DCDC1: variants seen among roughly 807,000 people sequenced by gnomAD.
DCDC1 encodes doublecortin domain containing 1.
Under a neutral mutation model 178.3 loss-of-function variants are expected in DCDC1, and 200 were observed. That is an observed-to-expected ratio of 1.12 (90% CI 1.00 to 1.26). The LOEUF (loss-of-function observed/expected upper bound fraction) is 1.26. Among genes scored for constraint, DCDC1 ranks in the 50% most tolerant of loss-of-function variants. The probability of loss-of-function intolerance (pLI) is 0.00; values close to 1 mark genes in which losing one functional copy is unlikely to be tolerated. For synonymous variants in DCDC1, 690 were observed against 604.8 expected, an observed-to-expected ratio of 1.14 and a Z score of -2.07; for missense variants, 1,983 against 1,749.2, an observed-to-expected ratio of 1.13 and a Z score of -2.38.
intron 6 of DCDC1, among the ~76,000 whole-genome samples, chr11:31,300,798 A>G (rs757106970): frequency 5.4e-4 from 82 of 152,310 alleles, no homozygotes; most frequent in Middle Eastern, 6.8e-3. Context: ...TTGTAAATGC[A>G]TTCAAGTTAA....
At chr11:31,038,148 A>G (rs1954202507) in intron 20 of DCDC1, among the ~76,000 whole-genome samples, 1 of 151,988 alleles carries the variant, frequency 6.6e-6, no homozygotes, top group Admixed American at 6.6e-5. Flanking sequence ...CAACACCAAC[A>G]TGGCACATGC....
intron 37 of DCDC1, among the ~76,000 whole-genome samples, chr11:30,880,442 A>G (rs61880662): frequency 0.099 from 15,021 of 152,260 alleles, 1,026 homozygotes; most frequent in Non-Finnish European, 0.14. Context: ...TACATTACAT[A>G]CAACATAGTA....
intron 21 of DCDC1, among the ~76,000 whole-genome samples, chr11:30,933,469 T>TA (rs1266772002): frequency 3.9e-5 from 6 of 152,310 alleles, no homozygotes; most frequent in African/African-American, 1.4e-4. Context: ...CATTAATTTT[T>TA]AAAAATTTAA....
intron 11 of DCDC1, among the ~76,000 whole-genome samples, chr11:31,114,697 C>T (rs1166625707): frequency 6.6e-6 from 1 of 151,992 alleles, no homozygotes; most frequent in Non-Finnish European, 1.5e-5. Context: ...CAGAGTGATG[C>T]AGAGAGAAAG....
chr11:31,035,864 A>T (rs1953993291), intron 20 of DCDC1, among the ~76,000 whole-genome samples: 1 of 152,182 alleles, frequency 6.6e-6, no homozygotes, highest in South Asian at 2.1e-4. Flanking sequence ...TGTAAGAAAG[A>T]GTTGTTCCTT....
intron 38 of DCDC1, among the ~76,000 whole-genome samples, chr11:30,874,430 CT>C (rs1941928552): frequency 6.6e-6 from 1 of 151,844 alleles, no homozygotes. Flanking sequence ...ACAGTTTTTT[CT>C]TTTTAAATGA....
At chr11:30,984,095 T>A (rs532061832) in intron 20 of DCDC1, among the ~76,000 whole-genome samples, 1 of 152,308 alleles carries the variant, frequency 6.6e-6, no homozygotes, top group East Asian at 1.9e-4. Context: ...GCAAAATTAC[T>A]GTGCATCATA....
At chr11:31,007,310 C>T (rs1294523969) in intron 20 of DCDC1, among the ~76,000 whole-genome samples, 1 of 152,116 alleles carries the variant, frequency 6.6e-6, no homozygotes, top group Non-Finnish European at 1.5e-5. Flanking sequence ...ACATCTAGAA[C>T]CCAACAACAA....
chr11:31,101,345 C>T (rs1392781259), intron 15 of DCDC1, among the ~76,000 whole-genome samples: 1 of 142,106 alleles, frequency 7.0e-6, no homozygotes, highest in Non-Finnish European at 1.5e-5. Context: ...TTTAAAACGC[C>T]TTTCATAATT....
chr11:31,297,635 A>G (rs990650546), intron 6 of DCDC1, among the ~76,000 whole-genome samples: 1 of 152,068 alleles, frequency 6.6e-6, no homozygotes, highest in Non-Finnish European at 1.5e-5. Context: ...ATGAGCCACC[A>G]TGCCCGGCCC....
chr11:31,127,357 A>G, intron 11 of DCDC1, 112 bp downstream of exon 11: 1 of 532,778 alleles, frequency 1.9e-6, no homozygotes, highest in South Asian at 2.8e-5. Context: ...AGTTTGAGGA[A>G]GACAACATTA....
intron 8 of DCDC1, among the ~76,000 whole-genome samples, chr11:31,256,424 A>G (rs953544093): frequency 2.0e-5 from 3 of 152,306 alleles, no homozygotes; most frequent in Non-Finnish European, 4.4e-5. Context: ...TTCAGGTTAA[A>G]TAATTTCTAG....
At chr11:31,023,616 A>G (rs1460565705) in intron 20 of DCDC1, among the ~76,000 whole-genome samples, 2 of 152,052 alleles carry the variant, frequency 1.3e-5, no homozygotes, top group Non-Finnish European at 2.9e-5. Context: ...ATAATATACA[A>G]ATGACTCATA....
At chr11:31,005,981 T>C (rs1951825430) in intron 20 of DCDC1, among the ~76,000 whole-genome samples, 2 of 149,554 alleles carry the variant, frequency 1.3e-5, no homozygotes, top group South Asian at 2.1e-4. Flanking sequence ...AAAAAAAACT[T>C]TTGGTCCTAT....
chr11:31,034,712 T>C (rs369647870), intron 20 of DCDC1, among the ~76,000 whole-genome samples: 1 of 152,212 alleles, frequency 6.6e-6, no homozygotes, highest in East Asian at 1.9e-4. Flanking sequence ...CTACAATGTT[T>C]GCACAATGTC....
intron 10 of DCDC1, among the ~76,000 whole-genome samples, chr11:31,128,598 T>C (rs1961982418): frequency 6.6e-6 from 1 of 152,102 alleles, no homozygotes. Flanking sequence ...ATTAGACCCA[T>C]TTAGAATTAT....
At position 31,126,436 on chromosome 11, in the gene DCDC1, C is replaced by T. The variant is rs1961628915; in HGVS notation, c.1485+1033G>A. Among the ~76,000 whole-genome samples the T allele has an allele frequency of 1.3e-5, 2 of 152,110 alleles. 1 individual carries two copies. Among genetic ancestry groups the T allele is most frequent in the South Asian group, 4.1e-4 (2 of 4,820 alleles). ...TCATGTTTAACATGAAATTACATTT[C>T]CCAAAAAGTCCATTTTTACATTGTA... On this transcript the variant is annotated intron_variant, in intron 11 of 38. Transcript: ENST00000684477.
rs1398120265 is a variant in DCDC1, at chr11:31,290,652, TC to T, written c.954del (p.Met318IlefsTer5). ...GHEITVGKETMKKVLDTCTIR... is the reference protein window; with the variant it reads ...GHEITVGKETXKKVLDTCTIR... ...AATATTTAATTAAAAATTACCTTTT[TC>T]ATTGTTTCTTTTCCCACTGTAATCT... On this transcript the variant is annotated frameshift_variant, in exon 7 of 39. Coordinates refer to ENST00000684477, the MANE Select transcript of DCDC1 (RefSeq NM_001387274.1). LOFTEE classifies it high-confidence loss of function. 1 of 1,599,142 alleles carries T rather than the reference TC, an allele frequency of 6.3e-7. No individual in the cohort carries two copies. The highest frequency in any genetic ancestry group is 8.5e-7 in the Non-Finnish European group (1 of 1,176,144).
At chr11:31,360,407 C>G (rs531132801) in intron 1 of DCDC1, among the ~76,000 whole-genome samples, 1 of 152,162 alleles carries the variant, frequency 6.6e-6, no homozygotes, top group Admixed American at 6.5e-5. Context: ...CAAGAACCCC[C>G]AGTGGATGCC....
Sources: gnomAD v4.1 joint callset for allele counts (sites outside exome capture counted in the v4.1 genomes callset) on GRCh38, gnomAD v4.1.1 for gene constraint, MANE v1.5 for transcripts, NCBI Gene and HGNC (gene_info 2026-07-23, HGNC 2026-07-21) for gene names.